GOLPH3L: variants seen among roughly 807,000 people sequenced by gnomAD.
GOLPH3L encodes the protein golgi phosphoprotein 3 like, also known as Golgi phosphoprotein 3-like.
A neutral mutation model predicts 30.3 loss-of-function variants in GOLPH3L; 22 were observed. The ratio of observed to expected loss-of-function variants is 0.73; its 90% CI spans 0.52 to 1.04. The LOEUF (loss-of-function observed/expected upper bound fraction) is 1.04. GOLPH3L is among the 50% of genes least tolerant of loss of function. The pLI, the probability that GOLPH3L is intolerant of heterozygous loss-of-function variation, is 0.00. For synonymous variants in GOLPH3L, 120 were observed against 128.2 expected (o/e 0.94, Z 0.43); for missense variants, 303 against 345.8 (o/e 0.88, Z 0.98).
In GOLPH3L at chr1:150,658,112, G is replaced by A. The variant is rs111252514; in HGVS notation, c.430+3702C>T. Among the ~76,000 whole-genome samples the A allele has an allele frequency of 8.0e-3, 1,225 of 152,340 alleles. 9 individuals are homozygous for A. Among genetic ancestry groups the A allele is most frequent in the Non-Finnish European group, 0.011 (733 of 68,026 alleles). ...AACCTTATCATGAGCCAGATGCCGAGGAAGAGATTCCGGGAGGATCCCGAG... is the reference window on the plus strand; with the variant it reads ...AACCTTATCATGAGCCAGATGCCGAAGAAGAGATTCCGGGAGGATCCCGAG... On this transcript the variant is annotated intron_variant, in intron 4 of 4. Transcript: ENST00000271732.
At chr1:150,650,733 CT>C (rs750332069) in intron 4 of GOLPH3L, among the ~76,000 whole-genome samples, 1 of 152,228 alleles carries the variant, frequency 6.6e-6, no homozygotes, top group Non-Finnish European at 1.5e-5. Flanking sequence ...TCCACGAAAC[CT>C]GTCCTGGTGC....
chr1:150,684,621 GAC>G (rs1651040739), intron 2 of GOLPH3L, among the ~76,000 whole-genome samples: 1 of 152,126 alleles, frequency 6.6e-6, no homozygotes, highest in Non-Finnish European at 1.5e-5. Flanking sequence ...AGAGTGAACT[GAC>G]AAGAAAAATA....
intron 2 of GOLPH3L, among the ~76,000 whole-genome samples, chr1:150,682,318 T>C (rs1414143675): frequency 6.6e-6 from 1 of 151,916 alleles, no homozygotes; most frequent in Non-Finnish European, 1.5e-5. Context: ...GCAACACTTC[T>C]ATCATCCCAG....
In GOLPH3L at chr1:150,672,253, T is replaced by C. The variant is rs1213984341; in HGVS notation, c.184-8490A>G. Among the ~76,000 whole-genome samples the C allele has an allele frequency of 2.6e-5, 4 of 152,174 alleles. No homozygotes were observed. The East Asian group carries it at 5.8e-4, about 22-fold the overall frequency. ...TCTACAAGCAAAACTAATTTTATTA[T>C]TTTTTTCCTCCTAAAAAATTACTCT... On this transcript the variant is annotated intron_variant, in intron 2 of 4. Transcript: ENST00000271732.
At chr1:150,675,530 T>A (rs1650754811) in intron 2 of GOLPH3L, among the ~76,000 whole-genome samples, 1 of 152,090 alleles carries the variant, frequency 6.6e-6, no homozygotes, top group South Asian at 2.1e-4. Context: ...GTGTGAATTA[T>A]GGAACAACAG....
intron 4 of GOLPH3L, among the ~76,000 whole-genome samples, chr1:150,649,976 G>A (rs1557778790): frequency 6.6e-6 from 1 of 151,952 alleles, no homozygotes; most frequent in Non-Finnish European, 1.5e-5. Flanking sequence ...GACAGAGTGA[G>A]ACTTCATCTC....
At chr1:150,676,993 G>A (rs1371869021) in intron 2 of GOLPH3L, among the ~76,000 whole-genome samples, 1 of 150,502 alleles carries the variant, frequency 6.6e-6, no homozygotes, top group East Asian at 2.0e-4. Context: ...CATTTCATTT[G>A]GGGCCTCAGA....
At chr1:150,690,021 C>G (rs1356161611) in intron 2 of GOLPH3L, among the ~76,000 whole-genome samples, 2 of 151,964 alleles carry the variant, frequency 1.3e-5, no homozygotes, top group Non-Finnish European at 2.9e-5. Flanking sequence ...GGGTCTCACT[C>G]TGTCACCCAG....
intron 4 of GOLPH3L, among the ~76,000 whole-genome samples, chr1:150,655,553 C>A (rs1650219666): frequency 6.6e-6 from 1 of 152,100 alleles, no homozygotes; most frequent in Non-Finnish European, 1.5e-5. Context: ...AAAGTTCCTG[C>A]CAAGGTTTAG....
rs151107787 is a variant in GOLPH3L at position 150,673,774 on chromosome 1, C to CA, written c.184-10012dup. On this transcript the variant is annotated intron_variant, in intron 2 of 4. Transcript: ENST00000271732. The stretch of plus-strand genomic sequence containing the variant: ...TGAAACCCCGTCTCTACCAAAAGTA[C>CA]AAAAAAAAAACTGGCCGGGTGCGTC... 1.5e-3 allele frequency among the ~76,000 whole-genome samples: 222 copies of CA among 145,402 alleles called. 2 individuals are homozygous for CA. The highest frequency in any genetic ancestry group is 0.014 in the East Asian group (66 of 4,828).
intron 4 of GOLPH3L, among the ~76,000 whole-genome samples, chr1:150,658,139 AC>A (rs1258298492): frequency 1.3e-5 from 2 of 152,016 alleles, no homozygotes; most frequent in Non-Finnish European, 2.9e-5. Flanking sequence ...GATCCCGAGG[AC>A]CCCCCGGTTG....
At chr1:150,649,549 A>G (rs1210831399) in intron 4 of GOLPH3L, among the ~76,000 whole-genome samples, 2 of 152,210 alleles carry the variant, frequency 1.3e-5, no homozygotes, top group East Asian at 3.8e-4. Context: ...CCAGAAGTTT[A>G]ACAGGCAGAA....
Position 150,647,947 on chromosome 1 carries a change from A to T in GOLPH3L, c.*374T>A. The T allele has an allele frequency of 5.7e-6, 1 of 175,634 alleles. No individual in the cohort carries two copies. 10.9% of individuals were successfully genotyped at this position (175,634 alleles called of 1,614,324 possible). On this transcript the variant is annotated 3_prime_UTR_variant, in exon 5 of 5. Coordinates refer to ENST00000271732, the MANE Select transcript of GOLPH3L (RefSeq NM_018178.6). ...TATGATAGAAAACAAACTCAGAAAA[A>T]TATAATAGATAGTTCACTTTTTATC...
chr1:150,684,967 G>A (rs937502249), intron 2 of GOLPH3L, among the ~76,000 whole-genome samples: 4 of 151,846 alleles, frequency 2.6e-5, no homozygotes, highest in South Asian at 2.1e-4. Flanking sequence ...CATGCCCAGC[G>A]ATAATATGAT....
chr1:150,665,405 T>C (rs375606077), intron 2 of GOLPH3L, among the ~76,000 whole-genome samples: 2 of 151,952 alleles, frequency 1.3e-5, no homozygotes, highest in East Asian at 1.9e-4. Context: ...TAGCTCACTG[T>C]AGACTTGAAC....
intron 4 of GOLPH3L, among the ~76,000 whole-genome samples, chr1:150,652,922 T>C (rs1650157492): frequency 6.6e-6 from 1 of 151,976 alleles, no homozygotes; most frequent in Non-Finnish European, 1.5e-5. Flanking sequence ...AAGTATATAT[T>C]TGTGCTTTCT....
intron 4 of GOLPH3L, among the ~76,000 whole-genome samples, chr1:150,650,464 C>G (rs1027768256): frequency 6.6e-6 from 1 of 152,198 alleles, no homozygotes; most frequent in Non-Finnish European, 1.5e-5. Flanking sequence ...AACCCCTGGA[C>G]CATGGACTGG....
In GOLPH3L at chr1:150,694,760, T is replaced by C. The variant is rs765004571; in HGVS notation, c.79A>G (p.Ser27Gly). Residue 27 changes from serine to glycine, a missense_variant, in exon 2 of 5, where the codon AGT (serine) becomes GGT (glycine). Ser to Gly is a moderately conservative substitution (Grantham distance 56, BLOSUM62 0). Transcript: ENST00000271732. The part of the protein sequence containing the change: ...SEKKMESEED[S>G]NWEKSPDNED... ...TTGTCTGGACTTTTCTCCCAATTAC[T>C]GTCTTCCTCACTTTCCATCTTCTTT... is the stretch of plus-strand genomic sequence containing the variant. 2 of 1,611,764 alleles carry C rather than the reference T, an allele frequency of 1.2e-6. No homozygotes were observed. The highest frequency in any genetic ancestry group is 1.7e-6 in the Non-Finnish European group (2 of 1,177,854).
Position 150,671,099 on chromosome 1 carries a change from G to A in GOLPH3L, c.184-7336C>T, listed in dbSNP as rs587735708. On this transcript the variant is annotated intron_variant, in intron 2 of 4. Coordinates refer to ENST00000271732, the MANE Select transcript of GOLPH3L (RefSeq NM_018178.6). ...CACTAAAAATACAAAAAAATTAGCC[G>A]GGCATGGTGGCCCGTGCCTGTAATC... Among the ~76,000 whole-genome samples the A allele has an allele frequency of 4.2e-4, 64 of 152,130 alleles. 1 individual carries two copies. The highest frequency in any genetic ancestry group is 8.8e-5 in the Non-Finnish European group (6 of 67,988).
Sources: gnomAD v4.1 joint callset for allele counts (sites outside exome capture counted in the v4.1 genomes callset) on GRCh38, gnomAD v4.1.1 for gene constraint, MANE v1.5 for transcripts, NCBI Gene and HGNC (gene_info 2026-07-23, HGNC 2026-07-21) for gene names.